LYRM4: variants seen among roughly 807,000 people sequenced by gnomAD.
LYRM4 encodes the protein LYR motif containing 4, also known as LYR motif-containing protein 4.
In LYRM4, 9 loss-of-function variants were observed where a neutral mutation model predicts 11.7. That is an observed-to-expected ratio of 0.77 (90% CI 0.46 to 1.34). LYRM4 has a LOEUF of 1.34. Among genes scored for constraint, LYRM4 ranks in the 40% most tolerant of loss-of-function variants. LYRM4 has a pLI of 0.00. For synonymous variants in LYRM4, 42 were observed against 40.4 expected, an observed-to-expected ratio of 1.04 and a Z score of -0.15; for missense variants, 133 against 112.5, an observed-to-expected ratio of 1.18 and a Z score of -0.82.
At chr6:5,247,660 G>A (rs1052680205) in intron 1 of LYRM4, among the ~76,000 whole-genome samples, 2 of 152,204 alleles carry the variant, frequency 1.3e-5, no homozygotes, top group African/African-American at 4.8e-5. Context: ...GATCACGTAA[G>A]TTAACTTGGA....
chr6:5,228,934 A>G (rs71547289), intron 1 of LYRM4, among the ~76,000 whole-genome samples: 6,890 of 149,134 alleles, frequency 0.046, 516 homozygotes, highest in African/African-American at 0.15. Flanking sequence ...AACCCGGGAG[A>G]CAGAGCTTGC....
At chr6:5,192,049 A>G (rs1001684713) in intron 2 of LYRM4, among the ~76,000 whole-genome samples, 4 of 152,232 alleles carry the variant, frequency 2.6e-5, no homozygotes, top group Non-Finnish European at 5.9e-5. Context: ...TGATGCTTGC[A>G]TGGATTCTGG....
rs145705767 is a variant in LYRM4 at position 5,147,133 on chromosome 6, G to T, written c.208-37642C>A. On this transcript the variant is annotated intron_variant, in intron 2 of 2. Coordinates refer to ENST00000330636, the MANE Select transcript of LYRM4 (RefSeq NM_020408.6). Reference sequence around the variant, plus strand: ...GAACTGGGATTTATGTTTTCATGATGATCCTAATTGGGTCACAGGTAAGCT... The same window carrying T: ...GAACTGGGATTTATGTTTTCATGATTATCCTAATTGGGTCACAGGTAAGCT... Among the ~76,000 whole-genome samples, 209 of 152,274 alleles carry T rather than the reference G, an allele frequency of 1.4e-3. 1 individual carries two copies. The highest frequency in any genetic ancestry group is 4.9e-3 in the African/African-American group (202 of 41,546).
the LYRM4 span, among the ~76,000 whole-genome samples, chr6:5,041,816 A>G: frequency 6.6e-6 from 1 of 152,226 alleles, no homozygotes; most frequent in African/African-American, 2.4e-5. Context: ...AAACTATAAG[A>G]AGCAAGGAAA....
At chr6:5,080,254 T>TTAAG in the LYRM4 span, among the ~76,000 whole-genome samples, 3 of 152,206 alleles carry the variant, frequency 2.0e-5, no homozygotes, top group Admixed American at 1.3e-4. Flanking sequence ...TCCTGACCTT[T>TTAAG]TAAGTGAAAA....
the LYRM4 span, chr6:5,088,182 C>T: frequency 7.9e-5 from 12 of 152,418 alleles, no homozygotes; most frequent in Admixed American, 6.5e-5. Context: ...GCAACCTCCG[C>T]CTCCCAGGTT....
At chr6:5,123,756 T>A (rs1372528276) in intron 2 of LYRM4, among the ~76,000 whole-genome samples, 3 of 152,204 alleles carry the variant, frequency 2.0e-5, no homozygotes, top group African/African-American at 7.2e-5. Context: ...GTATTTTGAG[T>A]GTCACCTGTA....
At chr6:5,208,904 G>A (rs921035812) in intron 2 of LYRM4, among the ~76,000 whole-genome samples, 2 of 152,018 alleles carry the variant, frequency 1.3e-5, no homozygotes, top group African/African-American at 2.4e-5. Context: ...CTTAAACTTC[G>A]ACAGGGGGCT....
At chr6:5,118,769 T>C (rs1763264505) in intron 2 of LYRM4, among the ~76,000 whole-genome samples, 1 of 152,350 alleles carries the variant, frequency 6.6e-6, no homozygotes, top group Middle Eastern at 3.4e-3. Context: ...TTTCAGTCTG[T>C]TCTGTATAGC....
chr6:5,072,340 C>T, the LYRM4 span, among the ~76,000 whole-genome samples: 2 of 152,028 alleles, frequency 1.3e-5, no homozygotes, highest in African/African-American at 4.8e-5. Flanking sequence ...GGATATATAT[C>T]CAGTAATGAG....
At chr6:5,175,753 A>G (rs1759678711) in intron 2 of LYRM4, among the ~76,000 whole-genome samples, 1 of 152,178 alleles carries the variant, frequency 6.6e-6, no homozygotes, top group South Asian at 2.1e-4. Flanking sequence ...CTGTTTCACA[A>G]AAGGCCACAC....
chr6:5,221,784 C>T (rs1289098659), intron 1 of LYRM4, among the ~76,000 whole-genome samples: 2 of 152,210 alleles, frequency 1.3e-5, no homozygotes, highest in African/African-American at 2.4e-5. Context: ...CAGTCAACTG[C>T]CCAAGTCAAA....
In LYRM4 at chr6:5,138,487, C is replaced by CA. The variant is rs765741377; in HGVS notation, c.208-28997dup. Among the ~76,000 whole-genome samples the CA allele has an allele frequency of 2.0e-3, 101 of 49,680 alleles. 6 individuals carry two copies. Among genetic ancestry groups the CA allele is most frequent in the African/African-American group, 3.2e-3 (39 of 12,070 alleles). The allele number at this position is 49,680 out of a possible 152,430, so 32.6% of individuals were successfully genotyped here. ...GGCCAACAGAGTGAGACCCTGTCTC[C>CA]AAAAAAAAAAAAAAAAAAAAAAAAA... On this transcript the variant is annotated intron_variant, in intron 2 of 2. Coordinates refer to ENST00000330636, the MANE Select transcript of LYRM4 (RefSeq NM_020408.6).
intron 1 of LYRM4, among the ~76,000 whole-genome samples, chr6:5,221,420 T>C (rs1762573686): frequency 6.6e-6 from 1 of 152,106 alleles, no homozygotes; most frequent in Non-Finnish European, 1.5e-5. Flanking sequence ...CCTGGCTGGG[T>C]GCGGTGGCTC....
chr6:5,156,461 G>A (rs982675809), intron 2 of LYRM4, among the ~76,000 whole-genome samples: 1 of 152,226 alleles, frequency 6.6e-6, no homozygotes, highest in African/African-American at 2.4e-5. Flanking sequence ...CACAGTGGCA[G>A]CCAATCCACT....
intron 1 of LYRM4, among the ~76,000 whole-genome samples, chr6:5,217,377 C>T (rs928465648): frequency 2.6e-5 from 4 of 152,240 alleles, no homozygotes; most frequent in Admixed American, 2.0e-4. Context: ...CCCAACCAGA[C>T]AGCTCACTTG....
At chr6:5,053,836 A>T in the LYRM4 span, among the ~76,000 whole-genome samples, 1 of 152,184 alleles carries the variant, frequency 6.6e-6, no homozygotes, top group Non-Finnish European at 1.5e-5. Context: ...GTAACCTATC[A>T]AGCATATATA....
chr6:5,117,735 G>A (rs1192872329), intron 2 of LYRM4, among the ~76,000 whole-genome samples: 1 of 151,978 alleles, frequency 6.6e-6, no homozygotes, highest in African/African-American at 2.4e-5. Flanking sequence ...ACCCACCTTG[G>A]TACACAACTG....
intron 1 of LYRM4, among the ~76,000 whole-genome samples, chr6:5,234,511 A>G (rs2208362): frequency 0.82 from 125,267 of 152,264 alleles, 52,086 homozygotes; most frequent in African/African-American, 0.95. Context: ...GAACAGAGAA[A>G]GAGGGAGTAA....
Sources: allele counts gnomAD v4.1 joint callset (sites outside exome capture counted in the v4.1 genomes callset), GRCh38; gene constraint gnomAD v4.1.1; transcripts MANE v1.5; gene names NCBI Gene and HGNC (gene_info 2026-07-23, HGNC 2026-07-21).